RBMS1: variants seen among roughly 807,000 people sequenced by gnomAD.
The protein encoded by RBMS1 is RNA-binding motif, single-stranded-interacting protein 1.
In RBMS1, 17 loss-of-function variants were observed where a neutral mutation model predicts 62.3. The observed-to-expected ratio is 0.27, with a 90% CI of 0.19 to 0.41. The LOEUF is 0.41. Among genes scored for constraint, RBMS1 ranks in the 10% least tolerant of loss-of-function variants. The pLI, the probability that RBMS1 is intolerant of heterozygous loss-of-function variation, is 1.00. For synonymous variants in RBMS1, 172 were observed against 170.0 expected (o/e 1.01, Z -0.09); for missense variants, 334 against 504.5 (o/e 0.66, Z 3.24).
chr2:160,459,861 A>G (rs1684390725), intron 1 of RBMS1, among the ~76,000 whole-genome samples: 1 of 152,212 alleles, frequency 6.6e-6, no homozygotes, highest in Non-Finnish European at 1.5e-5. Flanking sequence ...GATTGAAACC[A>G]ATGTGCACAA....
At chr2:160,411,907 T>C (rs1254571409) in intron 1 of RBMS1, among the ~76,000 whole-genome samples, 1 of 152,236 alleles carries the variant, frequency 6.6e-6, no homozygotes, top group Non-Finnish European at 1.5e-5. Flanking sequence ...GCTGAATGAA[T>C]ATTCTTTCTA....
rs1687653405 is a variant in RBMS1 at position 160,272,987 on chromosome 2, C to T, written c.*1785G>A. 6.6e-6 allele frequency: 1 copy of T among 152,138 alleles called. No individual in the cohort carries two copies. The highest frequency in any genetic ancestry group is 2.4e-5 in the African/African-American group (1 of 41,450). 9.4% of individuals were successfully genotyped at this position (152,138 alleles called of 1,614,324 possible). ...GAAACAGGGAGGGCCAGCAACCTGTCCCAGCACAAAAGAAAATAGACTCTG... is the reference window on the plus strand; with the variant it reads ...GAAACAGGGAGGGCCAGCAACCTGTTCCAGCACAAAAGAAAATAGACTCTG... On this transcript the variant is annotated 3_prime_UTR_variant, in exon 14 of 14. Coordinates refer to ENST00000348849, the MANE Select transcript of RBMS1 (RefSeq NM_016836.4).
intron 1 of RBMS1, among the ~76,000 whole-genome samples, chr2:160,405,432 A>G (rs979809269): frequency 6.6e-6 from 1 of 152,220 alleles, no homozygotes; most frequent in Admixed American, 6.5e-5. Flanking sequence ...TATAAAAAGC[A>G]TTAATTAGAC....
intron 1 of RBMS1, among the ~76,000 whole-genome samples, chr2:160,405,755 C>A (rs1695671238): frequency 6.6e-6 from 1 of 152,306 alleles, no homozygotes; most frequent in East Asian, 1.9e-4. Flanking sequence ...TACCCCCCTT[C>A]ACACACAAAA....
At chr2:160,378,401 C>T (rs1694108638) in intron 1 of RBMS1, among the ~76,000 whole-genome samples, 1 of 151,966 alleles carries the variant, frequency 6.6e-6, no homozygotes. Context: ...TCACTTGAGC[C>T]CAGGAATTCA....
intron 1 of RBMS1, chr2:160,408,010 C>G: frequency 1.3e-6 from 1 of 774,942 alleles, no homozygotes; most frequent in Non-Finnish European, 1.6e-6. Flanking sequence ...GCCTGCCGCC[C>G]CATCGCCCGC....
chr2:160,322,451 G>A (rs1690612744), intron 2 of RBMS1, among the ~76,000 whole-genome samples: 1 of 152,208 alleles, frequency 6.6e-6, no homozygotes, highest in African/African-American at 2.4e-5. Context: ...ACAAGACAGA[G>A]GATGGTGAGT....
rs1685948751 is a variant in RBMS1, at chr2:160,493,432, G to A, written c.-69C>T. Reference sequence around the variant, plus strand: ...GGGTTTCCAAGTCTCGGGCTCTCCTGCCTCTCCCTTTCCGGCGGCGGCGGC... The same window carrying A: ...GGGTTTCCAAGTCTCGGGCTCTCCTACCTCTCCCTTTCCGGCGGCGGCGGC... On this transcript the variant is annotated 5_prime_UTR_variant, in exon 1 of 14. Transcript: ENST00000348849. The A allele has an allele frequency of 6.7e-7, 1 of 1,482,692 alleles. No individual in the cohort carries two copies. The highest frequency in any genetic ancestry group is 9.4e-7 in the Non-Finnish European group (1 of 1,066,174). 91.8% of individuals were successfully genotyped at this position (1,482,692 alleles called of 1,614,324 possible). A position where few individuals can be genotyped will look rare whatever the true frequency, so the allele number is the denominator to read the frequency against.
chr2:160,476,757 T>G (rs1318462951), intron 1 of RBMS1, among the ~76,000 whole-genome samples: 1 of 151,704 alleles, frequency 6.6e-6, no homozygotes, highest in African/African-American at 2.4e-5. Flanking sequence ...GGTTTCACCG[T>G]TTTAGCCGGG....
At chr2:160,469,608 G>GA (rs1684836861) in intron 1 of RBMS1, among the ~76,000 whole-genome samples, 1 of 152,156 alleles carries the variant, frequency 6.6e-6, no homozygotes, top group African/African-American at 2.4e-5. Context: ...TTTCTTCAGG[G>GA]AGTCACTACC....
Position 160,306,619 on chromosome 2 carries a change from T to A in RBMS1, c.403-3132A>T, listed in dbSNP as rs554993031. Among the ~76,000 whole-genome samples the A allele has an allele frequency of 3.1e-4, 45 of 144,808 alleles. No individual in the cohort carries two copies. The South Asian group carries it at 7.6e-3, about 25-fold the overall frequency. The allele number at this position is 144,808 out of a possible 152,430, so 95.0% of individuals were successfully genotyped here. A position where few individuals can be genotyped will look rare whatever the true frequency, so the allele number is the denominator to read the frequency against. ...CATTGTCCACAAAGTTGCAGTAATT[T>A]AAAAAAAAAAAAGAATGGAAAGAAA... On this transcript the variant is annotated intron_variant, in intron 4 of 13. Transcript: ENST00000348849.
chr2:160,454,046 A>T (rs1264398673), intron 1 of RBMS1, among the ~76,000 whole-genome samples: 4 of 152,068 alleles, frequency 2.6e-5, no homozygotes, highest in African/African-American at 9.7e-5. Context: ...AATGACCTCT[A>T]TGTTTATCTC....
chr2:160,461,661 C>T (rs1684470713), intron 1 of RBMS1, among the ~76,000 whole-genome samples: 1 of 152,248 alleles, frequency 6.6e-6, no homozygotes, highest in Non-Finnish European at 1.5e-5. Context: ...TCACACCCAT[C>T]ACTGCCACTC....
chr2:160,426,597 ATGT>A (rs1373872624), intron 1 of RBMS1, among the ~76,000 whole-genome samples: 2 of 152,208 alleles, frequency 1.3e-5, no homozygotes, highest in South Asian at 2.1e-4. Context: ...GTGGATATAG[ATGT>A]TGTTAAAGTA....
chr2:160,306,836 T>C (rs1689555028), intron 4 of RBMS1, among the ~76,000 whole-genome samples: 1 of 152,132 alleles, frequency 6.6e-6, no homozygotes, highest in Non-Finnish European at 1.5e-5. Flanking sequence ...CTGGTGGTGG[T>C]TCTTGAAATG....
intron 1 of RBMS1, chr2:160,407,889 C>T (rs1574019936): frequency 1.0e-6 from 1 of 980,836 alleles, no homozygotes; most frequent in Non-Finnish European, 1.2e-6. Context: ...CTACCGCGGC[C>T]TCAACCACCG....
chr2:160,368,425 C>T (rs940267596), intron 1 of RBMS1, among the ~76,000 whole-genome samples: 20 of 152,192 alleles, frequency 1.3e-4, no homozygotes, highest in African/African-American at 4.8e-4. Flanking sequence ...TGGTTTTTAC[C>T]AGCACAAACA....
chr2:160,407,491 G>A, intron 1 of RBMS1: 5 of 986,184 alleles, frequency 5.1e-6, no homozygotes, highest in Non-Finnish European at 4.8e-6. Flanking sequence ...TCCGGCAGTT[G>A]CTGCTGCCCC....
chr2:160,453,719 G>C (rs1223396355), intron 1 of RBMS1, among the ~76,000 whole-genome samples: 4 of 152,016 alleles, frequency 2.6e-5, no homozygotes, highest in African/African-American at 9.7e-5. Context: ...AGCTCCTCAG[G>C]AAAATCACCC....
Sources: gnomAD v4.1 joint callset for allele counts (sites outside exome capture counted in the v4.1 genomes callset) on GRCh38, gnomAD v4.1.1 for gene constraint, MANE v1.5 for transcripts, NCBI Gene and HGNC (gene_info 2026-07-23, HGNC 2026-07-21) for gene names.